Variants in C10orf67 observed in about 807,000 individuals in gnomAD.
The protein encoded by C10orf67 is uncharacterized protein C10orf67, mitochondrial.
In C10orf67, 60 loss-of-function variants were observed where a neutral mutation model predicts 35.6. The observed-to-expected ratio is 1.68, with a 90% CI of 1.37 to 2.09. C10orf67 has a LOEUF of 2.09. C10orf67 is among the 30% of genes most tolerant of loss of function. The probability of loss-of-function intolerance (pLI) is 0.00; values close to 1 mark genes in which losing one functional copy is unlikely to be tolerated. For missense variants in C10orf67, 474 were observed against 330.2 expected (o/e 1.44, Z -3.38); for synonymous variants, 167 against 115.8 (o/e 1.44, Z -2.84).
chr10:23,322,670 G>A (rs1404533294), intron 2 of C10orf67, 133 bp from the exon 3 acceptor site: 3 of 596,170 alleles, frequency 5.0e-6, no homozygotes, highest in Admixed American at 3.1e-5. Context: ...ACACACACTG[G>A]GGCCTACTTA....
At chr10:23,246,719 A>G (rs1842324646) in intron 12 of C10orf67, among the ~76,000 whole-genome samples, 1 of 152,230 alleles carries the variant, frequency 6.6e-6, no homozygotes, top group African/African-American at 2.4e-5. Context: ...GGCTTAGGCT[A>G]GTGTGTGTGT....
At chr10:23,238,551 TG>T (rs1406491437) in intron 13 of C10orf67, among the ~76,000 whole-genome samples, 1 of 152,196 alleles carries the variant, frequency 6.6e-6, no homozygotes, top group Non-Finnish European at 1.5e-5. Flanking sequence ...GTGCTTGAAT[TG>T]GTATAATTTT....
chr10:23,243,688 CAAAA>C (rs1217352444), intron 12 of C10orf67, among the ~76,000 whole-genome samples: 2 of 80,506 alleles, frequency 2.5e-5, no homozygotes, highest in Admixed American at 1.4e-4. Context: ...ATCTCTGGCT[CAAAA>C]AAAAAAAAAA....
chr10:23,204,539 G>C (rs1222488112), intron 15 of C10orf67, among the ~76,000 whole-genome samples: 4 of 152,314 alleles, frequency 2.6e-5, no homozygotes, highest in Admixed American at 2.6e-4. Flanking sequence ...AATGGTCTCA[G>C]GTGCCCCTGA....
At chr10:23,220,684 C>T (rs558829322) in intron 15 of C10orf67, among the ~76,000 whole-genome samples, 141 of 152,294 alleles carry the variant, frequency 9.3e-4, no homozygotes, top group Non-Finnish European at 1.1e-3. Context: ...ACCAACCTCT[C>T]TGTATTCAGT....
intron 4 of C10orf67, among the ~76,000 whole-genome samples, chr10:23,307,812 C>T (rs1844345254): frequency 6.6e-6 from 1 of 151,892 alleles, no homozygotes; most frequent in South Asian, 2.1e-4. Flanking sequence ...AGAGACAGGG[C>T]TTTGCCACAT....
Position 23,268,401 on chromosome 10 carries a change from T to C in C10orf67, c.976-1147A>G, listed in dbSNP as rs1462727276. Among the ~76,000 whole-genome samples, 4 of 152,258 alleles carry C rather than the reference T, an allele frequency of 2.6e-5. No homozygotes were observed. In the East Asian group the frequency reaches 7.7e-4, roughly 29 times the overall value. ...TTAAGATTTTTTCATAATATGAATTTATGAGTAATGCCAGTGATTCTAATT... is the reference window on the plus strand; with the variant it reads ...TTAAGATTTTTTCATAATATGAATTCATGAGTAATGCCAGTGATTCTAATT... On this transcript the variant is annotated intron_variant, in intron 8 of 15. Transcript: ENST00000636213.
intron 1 of C10orf67, among the ~76,000 whole-genome samples, chr10:23,338,980 C>T (rs1219694430): frequency 2.6e-5 from 4 of 152,186 alleles, no homozygotes; most frequent in Admixed American, 6.5e-5. Flanking sequence ...TGCTTTGAAA[C>T]AGTATATGGT....
chr10:23,279,237 C>A (rs928641930), intron 8 of C10orf67, among the ~76,000 whole-genome samples: 3 of 152,346 alleles, frequency 2.0e-5, no homozygotes, highest in South Asian at 2.1e-4. Context: ...GAACTTGCTC[C>A]TCTGCCTTCC....
intron 15 of C10orf67, among the ~76,000 whole-genome samples, chr10:23,217,863 T>C (rs547823013): frequency 6.6e-4 from 100 of 152,198 alleles, no homozygotes; most frequent in Non-Finnish European, 1.2e-3. Flanking sequence ...TAAACTTTTT[T>C]CTACTAAATT....
At chr10:23,264,411 A>T (rs1842833316) in intron 10 of C10orf67, among the ~76,000 whole-genome samples, 1 of 152,306 alleles carries the variant, frequency 6.6e-6, no homozygotes, top group Admixed American at 6.5e-5. Context: ...ACTTATTGTT[A>T]TATATTAACT....
chr10:23,252,760 T>G (rs1842490414), intron 10 of C10orf67, among the ~76,000 whole-genome samples: 1 of 152,212 alleles, frequency 6.6e-6, no homozygotes, highest in African/African-American at 2.4e-5. Context: ...TTGTTTTTGA[T>G]GAATTCAGAT....
chr10:23,202,621 A>C (rs573800970), downstream of C10orf67: 1 of 152,382 alleles, frequency 6.6e-6, no homozygotes, highest in African/African-American at 2.4e-5. Context: ...GATATAGGGC[A>C]GGACCTGGGT....
chr10:23,207,558 T>C (rs1305093353), intron 15 of C10orf67, among the ~76,000 whole-genome samples: 1 of 152,210 alleles, frequency 6.6e-6, no homozygotes, highest in East Asian at 1.9e-4. Context: ...TTCATGTCCA[T>C]GAAACAGTTC....
At chr10:23,210,434 T>A (rs1169231009) in intron 15 of C10orf67, among the ~76,000 whole-genome samples, 2 of 152,148 alleles carry the variant, frequency 1.3e-5, no homozygotes, top group African/African-American at 4.8e-5. Flanking sequence ...TTTTTTTCCT[T>A]TTTGAGATGA....
At chr10:23,234,011 G>A (rs546187146) in intron 13 of C10orf67, among the ~76,000 whole-genome samples, 37 of 152,242 alleles carry the variant, frequency 2.4e-4, no homozygotes, top group South Asian at 1.0e-3. Flanking sequence ...ATAAATGAAG[G>A]TGAGATTTTA....
intron 13 of C10orf67, among the ~76,000 whole-genome samples, chr10:23,226,840 A>G (rs2132113606): frequency 6.6e-6 from 1 of 152,364 alleles, no homozygotes; most frequent in East Asian, 1.9e-4. Context: ...GAAAATCTAG[A>G]AGAAATGGAA....
At chr10:23,295,469 G>C (rs967580473) in intron 5 of C10orf67, among the ~76,000 whole-genome samples, 1 of 152,196 alleles carries the variant, frequency 6.6e-6, no homozygotes, top group African/African-American at 2.4e-5. Flanking sequence ...GAACATAAAC[G>C]GATGGCCATA....
chr10:23,277,767 T>C (rs1331073973), intron 8 of C10orf67, among the ~76,000 whole-genome samples: 2 of 152,194 alleles, frequency 1.3e-5, no homozygotes, highest in Non-Finnish European at 2.9e-5. Context: ...TAAATATCAA[T>C]AGATAAAACC....
Sources: allele counts gnomAD v4.1 joint callset (sites outside exome capture counted in the v4.1 genomes callset), GRCh38; gene constraint gnomAD v4.1.1; transcripts MANE v1.5; gene names NCBI Gene and HGNC (gene_info 2026-07-23, HGNC 2026-07-21).